RNF123: variants seen among roughly 807,000 people sequenced by gnomAD.
The protein encoded by RNF123 is E3 ubiquitin-protein ligase RNF123.
RNF123 carries 86 observed loss-of-function variants against 168.5 expected under a neutral mutation model. The observed-to-expected ratio is 0.51, with a 90% CI of 0.43 to 0.61. RNF123 has a LOEUF of 0.61. Among genes scored for constraint, RNF123 ranks in the 20% least tolerant of loss-of-function variants. The probability of loss-of-function intolerance (pLI) is 0.00; values close to 1 mark genes in which losing one functional copy is unlikely to be tolerated. For synonymous variants in RNF123, 666 were observed against 689.1 expected (o/e 0.97, Z 0.52); for missense variants, 1,419 against 1,729.7 (o/e 0.82, Z 3.19).
chr3:49,713,475 C>T, intron 27 of RNF123, 38 bp from the exon 28 acceptor site: 1 of 1,563,366 alleles, frequency 6.4e-7, no homozygotes, highest in Non-Finnish European at 8.7e-7. Context: ...CTGGAGCCCC[C>T]ACTCCCAGCC....
chr3:49,711,700 G>A (rs1470154187), intron 26 of RNF123, among the ~76,000 whole-genome samples: 1 of 152,128 alleles, frequency 6.6e-6, no homozygotes, highest in Non-Finnish European at 1.5e-5. Flanking sequence ...TGGGGCCTGA[G>A]GCCTCATTCT....
At chr3:49,720,291 G>A in intron 35 of RNF123, 1 of 377,712 alleles carries the variant, frequency 2.6e-6, no homozygotes, top group East Asian at 4.1e-5. Flanking sequence ...ACTCCAGCCT[G>A]GGCAACAGAG....
chr3:49,719,609 C>T (rs368287147), intron 35 of RNF123: 3 of 688,168 alleles, frequency 4.4e-6, no homozygotes, highest in East Asian at 2.9e-5. Context: ...GCCGACGGCC[C>T]CTACTCTCCG....
intron 1 of RNF123, among the ~76,000 whole-genome samples, chr3:49,689,986 C>A (rs1483555675): frequency 1.3e-5 from 2 of 152,218 alleles, no homozygotes; most frequent in African/African-American, 4.8e-5. Context: ...AAATGAATGA[C>A]TGAGTTTAAT....
intron 26 of RNF123, among the ~76,000 whole-genome samples, chr3:49,709,726 A>G (rs2108194100): frequency 6.6e-6 from 1 of 152,098 alleles, no homozygotes. Context: ...GGCGTGAGCC[A>G]TCGCGCCCTG....
intron 35 of RNF123, chr3:49,718,977 G>A (rs751684132): frequency 1.2e-5 from 20 of 1,613,706 alleles, no homozygotes; most frequent in Non-Finnish European, 1.7e-6. Flanking sequence ...TGCAGCCCAG[G>A]TAGAGATGGC....
Position 49,699,629 on chromosome 3 carries a change from C to T in RNF123, c.880-39C>T. ...GCGGGGTGGGGGGCTTCCACAGCCT[C>T]CTGCCCCTCACACTTCTCCCTCCTC... On this transcript the variant is annotated intron_variant, in intron 11 of 38. Transcript: ENST00000327697. This position sits in a 1 kb window ranked among gnomAD's most constrained non-coding sequence, Gnocchi z 4.8. 1.2e-6 allele frequency: 2 copies of T among 1,612,372 alleles called. No individual in the cohort carries two copies. Among genetic ancestry groups the T allele is most frequent in the Non-Finnish European group, 1.7e-6 (2 of 1,178,746 alleles).
chr3:49,720,582 G>C lies in RNF123; in HGVS notation c.3572G>C (p.Gly1191Ala). ...CTACGCTCAATATGCTATCTCCTGG[G>C]ACAGCCAGAGCCCCCAGCACCTGGC... ...FQLRSICYLL[G>A]QPEPPAPGTA... Residue 1191 changes from glycine to alanine, a missense_variant, in exon 36 of 39, where the codon GGA becomes GCA. Gly to Ala is a moderately conservative substitution (Grantham distance 60). This residue lies in a region of RNF123 where 164 missense variants were observed against 152.3 expected (regional missense o/e 1.08). Transcript: ENST00000327697. The C allele has an allele frequency of 6.2e-7, 1 of 1,612,088 alleles. No individual in the cohort carries two copies. Among genetic ancestry groups the C allele is most frequent in the Middle Eastern group, 1.7e-4 (1 of 6,058 alleles).
At chr3:49,701,685 G>T in intron 16 of RNF123, 77 bp downstream of exon 16, 1 of 1,474,226 alleles carries the variant, frequency 6.8e-7, no homozygotes, top group Admixed American at 1.7e-5. Flanking sequence ...TGGGCATCTA[G>T]CATGAGGCCT....
intron 36 of RNF123, 53 bp downstream of exon 36, chr3:49,720,706 G>A: frequency 6.2e-7 from 1 of 1,602,082 alleles, no homozygotes; most frequent in African/African-American, 1.3e-5. Context: ...GTCGGGTCAG[G>A]AGCCTTAAGA....
At position 49,720,642 on chromosome 3, in the gene RNF123, C is replaced by G; in HGVS notation, c.3632C>G (p.Ser1211Cys). The G allele has an allele frequency of 6.3e-7, 1 of 1,599,044 alleles. No homozygotes were observed. The highest frequency in any genetic ancestry group is 1.3e-5 in the African/African-American group (1 of 74,806). Residue 1211 changes from serine (S) to cysteine (C), a missense_variant, in exon 36 of 39, where the codon TCC becomes TGC. Ser to Cys is a moderately radical substitution (Grantham distance 112). Coordinates refer to ENST00000327697, the MANE Select transcript of RNF123 (RefSeq NM_022064.5). ...CCAGCCCCTGACCGGAAGCGCTTCT[C>G]CCTGCAGAGCTGTGAGTGGGCTGGT... ...ALPAPDRKRFSLQSYADYISA... is the reference protein window; with the variant it reads ...ALPAPDRKRFCLQSYADYISA...
intron 12 of RNF123, 122 bp from the exon 13 acceptor site, chr3:49,700,105 G>A (rs1407193893): frequency 7.2e-7 from 1 of 1,392,628 alleles, no homozygotes; most frequent in Non-Finnish European, 9.7e-7. Context: ...ATCTATGTTT[G>A]GTGTTGCTCG....
At position 49,713,497 on chromosome 3, in the gene RNF123, C is replaced by G; in HGVS notation, c.2675-16C>G. 2 of 1,599,974 alleles carry G rather than the reference C, an allele frequency of 1.3e-6. No homozygotes were observed. Among genetic ancestry groups the G allele is most frequent in the South Asian group, 1.1e-5 (1 of 88,914 alleles). Reference sequence around the variant, plus strand: ...CCCCACTCCCAGCCGACACGTCTCACTTCCCACCCTTGCAGGCTATGAAGA... The same window carrying G: ...CCCCACTCCCAGCCGACACGTCTCAGTTCCCACCCTTGCAGGCTATGAAGA... On this transcript the variant is annotated splice_polypyrimidine_tract_variant and intron_variant, in intron 27 of 38. Coordinates refer to ENST00000327697, the MANE Select transcript of RNF123 (RefSeq NM_022064.5).
In RNF123 at chr3:49,701,613, G is replaced by C; in HGVS notation, c.1395+5G>C. 1.2e-6 allele frequency: 2 copies of C among 1,610,288 alleles called. No homozygotes were observed. Among genetic ancestry groups the C allele is most frequent in the East Asian group, 2.2e-5 (1 of 44,856 alleles). The stretch of plus-strand genomic sequence containing the variant: ...CCCCACTGCTCCAGTAGGGAGGTGA[G>C]TGCACCCCAAGTGGGATGGGCAGAG... On this transcript the variant is annotated splice_donor_5th_base_variant and intron_variant, in intron 16 of 38. Transcript: ENST00000327697.
At chr3:49,718,552 G>A (rs755772643) in intron 35 of RNF123, 2 of 1,613,124 alleles carry the variant, frequency 1.2e-6, no homozygotes, top group South Asian at 1.1e-5. Flanking sequence ...GCGCATGGCC[G>A]GGACGCTGGT....
intron 19 of RNF123, 41 bp from the exon 20 acceptor site, chr3:49,702,592 T>C: frequency 6.2e-7 from 1 of 1,614,188 alleles, no homozygotes; most frequent in Non-Finnish European, 8.5e-7. Flanking sequence ...GGCAAGGCAC[T>C]GGACTGGCAC....
chr3:49,709,288 C>T (rs1305328894), intron 26 of RNF123, among the ~76,000 whole-genome samples: 12 of 150,512 alleles, frequency 8.0e-5, no homozygotes, highest in South Asian at 2.1e-4. Context: ...TGTGCCACCA[C>T]GCCCAGCTAA....
Position 49,709,218 on chromosome 3 carries a change from G to C in RNF123, c.2496+2320G>C, listed in dbSNP as rs530249955. ...GCGATCTCGGCTCACGGCAGCCTCT[G>C]CCTCCCAGGTTCAAGCAATTCTCCT... On this transcript the variant is annotated intron_variant, in intron 26 of 38. Transcript: ENST00000327697. Among the ~76,000 whole-genome samples, 4 of 151,778 alleles carry C rather than the reference G, an allele frequency of 2.6e-5. No homozygotes were observed. The East Asian group carries it at 7.8e-4, about 29-fold the overall frequency.
At chr3:49,701,443 G>C in intron 15 of RNF123, 48 bp from the exon 16 acceptor site, 1 of 1,445,750 alleles carries the variant, frequency 6.9e-7, no homozygotes, top group Non-Finnish European at 9.7e-7. Context: ...TCTTGAGGGT[G>C]TGCAGAGTGC....
Sources: gnomAD v4.1 joint callset for allele counts (sites outside exome capture counted in the v4.1 genomes callset) on GRCh38, gnomAD v4.1.1 for gene constraint, gnomAD v4.1.1 regional missense constraint, Gnocchi (gnomAD v3.1) non-coding constraint, MANE v1.5 for transcripts, NCBI Gene and HGNC (gene_info 2026-07-23, HGNC 2026-07-21) for gene names.